PPP1R17: variants seen among roughly 807,000 people sequenced by gnomAD.
The protein encoded by PPP1R17 is G-substrate.
Under a neutral mutation model 15.9 loss-of-function variants are expected in PPP1R17, and 12 were observed. The observed-to-expected ratio is 0.75, with a 90% confidence interval of 0.48 to 1.22. The LOEUF is 1.22. Ranked by LOEUF, PPP1R17 falls within the 50% of genes most tolerant of loss-of-function variation. The pLI is 0.00. For synonymous variants in PPP1R17, 63 were observed against 64.5 expected, an observed-to-expected ratio of 0.98 and a Z score of 0.11; for missense variants, 211 against 187.3, an observed-to-expected ratio of 1.13 and a Z score of -0.74.
intron 4 of PPP1R17, among the ~76,000 whole-genome samples, chr7:31,701,197 T>C (rs999748615): frequency 8.5e-5 from 13 of 152,234 alleles, no homozygotes; most frequent in Non-Finnish European, 1.9e-4. Flanking sequence ...ATTAAGAACA[T>C]TTGTGACTCA....
At chr7:31,694,903 A>T (rs1483816313) in intron 2 of PPP1R17, among the ~76,000 whole-genome samples, 1 of 152,210 alleles carries the variant, frequency 6.6e-6, no homozygotes, top group Non-Finnish European at 1.5e-5. Flanking sequence ...ATCTTGAGTT[A>T]GGATGGGCAA....
At chr7:31,688,540 G>A (rs1447998263) in intron 1 of PPP1R17, among the ~76,000 whole-genome samples, 1 of 152,150 alleles carries the variant, frequency 6.6e-6, no homozygotes, top group African/African-American at 2.4e-5. Flanking sequence ...TCCCTTTTCT[G>A]GCACCCAGTT....
chr7:31,702,623 A>G lies in PPP1R17; in HGVS notation c.389-4581A>G, dbSNP rs764316441. Among the ~76,000 whole-genome samples the G allele has an allele frequency of 2.6e-5, 4 of 152,162 alleles. No individual in the cohort carries two copies. The South Asian group carries it at 6.2e-4, about 24-fold the overall frequency. Reference sequence around the variant, plus strand: ...TACCCAAAACTTTGTCATCTCTTTTAGTATTGTCTTTATTCTTCTTGTTGC... The same window carrying G: ...TACCCAAAACTTTGTCATCTCTTTTGGTATTGTCTTTATTCTTCTTGTTGC... On this transcript the variant is annotated intron_variant, in intron 4 of 4. Transcript: ENST00000342032.
intron 4 of PPP1R17, among the ~76,000 whole-genome samples, chr7:31,705,334 T>C (rs971381973): frequency 2.6e-5 from 4 of 152,184 alleles, no homozygotes; most frequent in Non-Finnish European, 5.9e-5. Flanking sequence ...TTTGGCTTAA[T>C]GTGAAGAGAT....
intron 1 of PPP1R17, among the ~76,000 whole-genome samples, chr7:31,691,227 G>C (rs1792327934): frequency 6.6e-6 from 1 of 152,196 alleles, no homozygotes; most frequent in African/African-American, 2.4e-5. Context: ...TCAGCACATA[G>C]AGGAAGAGAC....
chr7:31,704,282 A>T (rs1032456760), intron 4 of PPP1R17, among the ~76,000 whole-genome samples: 9 of 152,166 alleles, frequency 5.9e-5, no homozygotes, highest in African/African-American at 2.2e-4. Context: ...GTGGTGTCCT[A>T]GCCCTGGCTC....
chr7:31,704,733 G>A (rs1792995741), intron 4 of PPP1R17, among the ~76,000 whole-genome samples: 1 of 152,174 alleles, frequency 6.6e-6, no homozygotes, highest in Non-Finnish European at 1.5e-5. Flanking sequence ...TTTTACGGGT[G>A]AATAAACTGA....
intron 1 of PPP1R17, among the ~76,000 whole-genome samples, chr7:31,691,510 A>ATC (rs1792340762): frequency 6.6e-6 from 1 of 152,106 alleles, no homozygotes; most frequent in South Asian, 2.1e-4. Flanking sequence ...TTTTCTATAA[A>ATC]TCTCAGCTAA....
intron 1 of PPP1R17, among the ~76,000 whole-genome samples, chr7:31,687,866 A>G (rs1434908784): frequency 6.6e-6 from 1 of 152,198 alleles, no homozygotes; most frequent in Non-Finnish European, 1.5e-5. Context: ...TCCATCCAGT[A>G]AATCAAGACC....
rs903512654 is a variant in PPP1R17, at chr7:31,691,820, A to C, written c.-36-586A>C. ...ATTAAAAAAAAAAAAAAAAAAAAAA[A>C]AACCAAGCAAAAAACCCACAACAGA... is the stretch of plus-strand genomic sequence containing the variant. On this transcript the variant is annotated intron_variant, in intron 1 of 4. Transcript: ENST00000342032. Among the ~76,000 whole-genome samples, 47 of 151,260 alleles carry C rather than the reference A, an allele frequency of 3.1e-4. 1 individual carries two copies. Among genetic ancestry groups the C allele is most frequent in the African/African-American group, 1.1e-3 (47 of 41,256 alleles).
intron 4 of PPP1R17, among the ~76,000 whole-genome samples, chr7:31,702,513 C>G (rs530703226): frequency 2.0e-5 from 3 of 152,198 alleles, no homozygotes; most frequent in Non-Finnish European, 4.4e-5. Context: ...TCAGCCAGCT[C>G]GAAGCCTCTG....
At chr7:31,693,296 T>C (rs758634262) in intron 2 of PPP1R17, among the ~76,000 whole-genome samples, 2 of 152,220 alleles carry the variant, frequency 1.3e-5, no homozygotes, top group African/African-American at 4.8e-5. Context: ...GACAGGTTTG[T>C]ACCTCAAGAG....
intron 4 of PPP1R17, among the ~76,000 whole-genome samples, chr7:31,697,490 C>T (rs1421580480): frequency 3.3e-5 from 5 of 152,068 alleles, no homozygotes; most frequent in African/African-American, 4.8e-5. Context: ...ACTAATTGGC[C>T]AAATCCTCAA....
intron 4 of PPP1R17, 141 bp downstream of exon 4, chr7:31,697,258 C>A: frequency 2.0e-6 from 2 of 1,020,058 alleles, no homozygotes; most frequent in Non-Finnish European, 2.8e-6. Flanking sequence ...AGAAGCCACA[C>A]TCAGTGCTAC....
intron 3 of PPP1R17, chr7:31,695,875 C>T (rs1792558459): frequency 3.4e-6 from 1 of 296,654 alleles, no homozygotes; most frequent in Non-Finnish European, 6.2e-6. Context: ...AGGAGGCAAG[C>T]TCTGCTTCAA....
chr7:31,702,618 C>A (rs756479679), intron 4 of PPP1R17, among the ~76,000 whole-genome samples: 2 of 152,174 alleles, frequency 1.3e-5, no homozygotes, highest in Non-Finnish European at 1.5e-5. Flanking sequence ...TTTGTCATCT[C>A]TTTTAGTATT....
chr7:31,692,537 C>T lies in PPP1R17; in HGVS notation c.82+14C>T, dbSNP rs781663373. ...GCAGCCACTTAGGTAAACAAATGAT[C>T]GATTGTGAATGTCAGTGGTGGAAGT... On this transcript the variant is annotated intron_variant, in intron 2 of 4. Coordinates refer to ENST00000342032, the MANE Select transcript of PPP1R17 (RefSeq NM_006658.5). The T allele has an allele frequency of 2.0e-5, 32 of 1,578,596 alleles. No homozygotes were observed. Among genetic ancestry groups the T allele is most frequent in the East Asian group, 4.5e-5 (2 of 44,674 alleles).
At chr7:31,689,012 G>T (rs1792224347) in intron 1 of PPP1R17, among the ~76,000 whole-genome samples, 1 of 152,214 alleles carries the variant, frequency 6.6e-6, no homozygotes, top group Admixed American at 6.5e-5. Context: ...GTCACTTAGT[G>T]TGAATATTCA....
intron 1 of PPP1R17, among the ~76,000 whole-genome samples, chr7:31,691,162 T>A (rs34166): frequency 0.42 from 64,465 of 151,976 alleles, 16,396 homozygotes; most frequent in East Asian, 0.7. Flanking sequence ...ACAGAGTGAC[T>A]CTAAAAGCTG....
Sources: allele counts gnomAD v4.1 joint callset (sites outside exome capture counted in the v4.1 genomes callset), GRCh38; gene constraint gnomAD v4.1.1; transcripts MANE v1.5; gene names NCBI Gene and HGNC (gene_info 2026-07-23, HGNC 2026-07-21).